The following PLA2G4E variants were observed in gnomAD, a reference collection of about 807,000 sequenced individuals.
The protein encoded by PLA2G4E is phospholipase A2 group IVE.
A neutral mutation model predicts 109.1 loss-of-function variants in PLA2G4E; 84 were observed. That is an observed-to-expected ratio of 0.77 (90% CI 0.65 to 0.92). The LOEUF (loss-of-function observed/expected upper bound fraction) is 0.92, where lower values mean the gene tolerates loss of function less well. PLA2G4E is among the 40% of genes least tolerant of loss of function. The probability of loss-of-function intolerance (pLI) is 0.00; values close to 1 mark genes in which losing one functional copy is unlikely to be tolerated. For synonymous variants in PLA2G4E, 469 were observed against 436.1 expected, an observed-to-expected ratio of 1.08 and a Z score of -0.94; for missense variants, 1,057 against 1,076.6, an observed-to-expected ratio of 0.98 and a Z score of 0.25.
At chr15:42,027,423 G>T (rs1009197523) in intron 1 of PLA2G4E, among the ~76,000 whole-genome samples, 4 of 152,146 alleles carry the variant, frequency 2.6e-5, no homozygotes, top group Non-Finnish European at 4.4e-5. Context: ...CTGCACCTCA[G>T]GTGAGATATT....
At chr15:41,997,506 G>A (rs758688747) in intron 10 of PLA2G4E, 6 of 333,982 alleles carry the variant, frequency 1.8e-5, no homozygotes, top group Non-Finnish European at 2.7e-5. Context: ...AATGCGAGCT[G>A]GTACTCAACA....
intron 1 of PLA2G4E, among the ~76,000 whole-genome samples, chr15:42,027,438 T>G (rs965276381): frequency 6.6e-6 from 1 of 152,120 alleles, no homozygotes; most frequent in African/African-American, 2.4e-5. Flanking sequence ...GATATTTTTT[T>G]CCCTCCAGCT....
intron 10 of PLA2G4E, chr15:41,998,011 G>A (rs1344854825): frequency 6.6e-6 from 1 of 152,052 alleles, no homozygotes; most frequent in Non-Finnish European, 1.5e-5. Context: ...AAACTTCTGG[G>A]TCAGGTCCCA....
chr15:41,986,070 T>G lies in PLA2G4E; in HGVS notation c.2036-65A>C, dbSNP rs529657050. ...CCTGACAGCCAATGGACAGAGGCAC[T>G]TGGGGGGACGGAGCGCCCTGTCTGG... On this transcript the variant is annotated intron_variant, in intron 17 of 19. Transcript: ENST00000399518. The G allele has an allele frequency of 1.7e-5, 25 of 1,513,590 alleles. No individual in the cohort carries two copies. In the South Asian group the frequency reaches 3.1e-4, roughly 19 times the overall value. The allele number at this position is 1,513,590 out of a possible 1,614,324, so 93.8% of individuals were successfully genotyped here.
At chr15:42,035,816 C>T (rs962533885) in intron 1 of PLA2G4E, among the ~76,000 whole-genome samples, 1 of 152,080 alleles carries the variant, frequency 6.6e-6, no homozygotes, top group Non-Finnish European at 1.5e-5. Flanking sequence ...TTTTGTATAT[C>T]GTATATATTG....
intron 1 of PLA2G4E, among the ~76,000 whole-genome samples, chr15:42,050,237 G>T (rs1889484593): frequency 1.3e-5 from 2 of 152,210 alleles, no homozygotes; most frequent in Admixed American, 1.3e-4. Flanking sequence ...CTGTGCTTCA[G>T]TTTCTTCATC....
In PLA2G4E at chr15:41,986,118, C is replaced by A. The variant is rs552775901; in HGVS notation, c.2036-113G>T. ...TGGAGCATCCTTCGCCTCAGCCTGA[C>A]CAGGACGCCCACTGAGTTCCAGTGC... is the stretch of plus-strand genomic sequence containing the variant. On this transcript the variant is annotated intron_variant, in intron 17 of 19. Transcript: ENST00000399518. 284 of 1,112,676 alleles carry A rather than the reference C, an allele frequency of 2.6e-4. 5 individuals are homozygous for A. The Middle Eastern group carries it at 5.7e-3, about 22-fold the overall frequency. The allele number at this position is 1,112,676 out of a possible 1,614,324, so 68.9% of individuals were successfully genotyped here.
chr15:41,993,635 C>T (rs1431316882), intron 12 of PLA2G4E, among the ~76,000 whole-genome samples: 1 of 152,122 alleles, frequency 6.6e-6, no homozygotes, highest in Non-Finnish European at 1.5e-5. Flanking sequence ...TCTTCTTGGC[C>T]TGGATCCAGC....
chr15:42,045,760 G>A (rs546562128), intron 1 of PLA2G4E, among the ~76,000 whole-genome samples: 58 of 152,306 alleles, frequency 3.8e-4, no homozygotes, highest in Admixed American at 1.2e-3. Flanking sequence ...ATCCTTTAGA[G>A]ATGTCATCCA....
intron 11 of PLA2G4E, 100 bp downstream of exon 11, chr15:41,997,024 G>T: frequency 1.4e-6 from 2 of 1,390,112 alleles, no homozygotes; most frequent in South Asian, 3.2e-5. Flanking sequence ...AGCATCCATG[G>T]AGGTGGCGCC....
At chr15:41,984,658 A>G in intron 18 of PLA2G4E, 39 bp from the exon 19 acceptor site, 3 of 1,508,520 alleles carry the variant, frequency 2.0e-6, no homozygotes, top group Non-Finnish European at 9.0e-7. Flanking sequence ...CATTAGGAGG[A>G]GTGGGAGTGG....
chr15:42,000,200 G>T, exon 8 of PLA2G4E: 1 of 1,593,240 alleles, frequency 6.3e-7, no homozygotes, highest in Non-Finnish European at 8.5e-7. Flanking sequence ...AGCAGGCAGA[G>T]GTTGGGCAGC....
intron 1 of PLA2G4E, among the ~76,000 whole-genome samples, chr15:42,033,279 G>A (rs954056062): frequency 2.6e-5 from 4 of 152,078 alleles, no homozygotes; most frequent in African/African-American, 7.2e-5. Flanking sequence ...TGGCTGTCCC[G>A]ATGAGCCTTG....
chr15:42,021,519 A>G (rs935062459), intron 1 of PLA2G4E, among the ~76,000 whole-genome samples: 2 of 151,202 alleles, frequency 1.3e-5, no homozygotes, highest in Admixed American at 1.3e-4. Flanking sequence ...CACAACTCCC[A>G]AAGAGACCAG....
chr15:42,040,045 C>T (rs1889286509), intron 1 of PLA2G4E, among the ~76,000 whole-genome samples: 1 of 152,056 alleles, frequency 6.6e-6, no homozygotes, highest in Non-Finnish European at 1.5e-5. Flanking sequence ...ACTTTAAAGC[C>T]ACAGTATTTG....
intron 1 of PLA2G4E, among the ~76,000 whole-genome samples, chr15:42,040,079 G>A (rs143345226): frequency 5.1e-4 from 77 of 152,278 alleles, no homozygotes; most frequent in African/African-American, 1.9e-3. Flanking sequence ...GCTTCTGTCT[G>A]TAATCCCAGC....
intron 5 of PLA2G4E, 129 bp from the exon 6 acceptor site, chr15:42,002,825 T>C: frequency 1.1e-6 from 1 of 916,740 alleles, no homozygotes; most frequent in Non-Finnish European, 1.7e-6. Context: ...TAAAAAATAC[T>C]AGCTTCGGAA....
chr15:41,988,179 G>A, intron 15 of PLA2G4E, 23 bp from the exon 16 acceptor site: 1 of 1,539,794 alleles, frequency 6.5e-7, no homozygotes, highest in Non-Finnish European at 8.8e-7. Flanking sequence ...GCCAGCGTGA[G>A]CAGCTCCACC....
exon 17 of PLA2G4E, chr15:41,987,223 G>A: frequency 1.9e-6 from 3 of 1,614,042 alleles, no homozygotes; most frequent in Non-Finnish European, 2.5e-6. Context: ...TGCAGCTGCA[G>A]CCCAGACAGG....
Sources: allele counts gnomAD v4.1 joint callset (sites outside exome capture counted in the v4.1 genomes callset), GRCh38; gene constraint gnomAD v4.1.1; transcripts MANE v1.5; gene names NCBI Gene and HGNC (gene_info 2026-07-23, HGNC 2026-07-21).